The following MYO1C variants were observed in gnomAD, a reference collection of about 807,000 sequenced individuals.
MYO1C encodes the protein myosin IC, also known as unconventional myosin-Ic.
MYO1C carries 104 observed loss-of-function variants against 150.8 expected under a neutral mutation model. The ratio of observed to expected loss-of-function variants is 0.69; its 90% CI spans 0.59 to 0.81. MYO1C has a LOEUF of 0.81. Ranked by LOEUF, MYO1C falls within the 30% of genes least tolerant of loss-of-function variation. The pLI, the probability that MYO1C is intolerant of heterozygous loss-of-function variation, is 0.00. For missense variants in MYO1C, 1,504 were observed against 1,435.0 expected, an observed-to-expected ratio of 1.05 and a Z score of -0.78; for synonymous variants, 663 against 579.9, an observed-to-expected ratio of 1.14 and a Z score of -2.06.
At chr17:1,482,629 A>G (rs1261950517) in intron 4 of MYO1C, 71 bp from the exon 5 acceptor site, 1 of 777,664 alleles carries the variant, frequency 1.3e-6, no homozygotes, top group Non-Finnish European at 1.7e-6. Context: ...CCTTGTAGCT[A>G]CTGCTGCCCC....
intron 5 of MYO1C, 138 bp from the exon 6 acceptor site, chr17:1,481,023 C>T: frequency 1.2e-6 from 1 of 854,800 alleles, no homozygotes; most frequent in African/African-American, 1.7e-5. Flanking sequence ...GCTGCGTCGG[C>T]TCAGGCACGC....
At chr17:1,477,193 TTTG>T in intron 14 of MYO1C, 1 of 264,754 alleles carries the variant, frequency 3.8e-6, no homozygotes. Flanking sequence ...TTTTTTTTTT[TTTG>T]AGACGGAGTC....
chr17:1,487,087 G>A (rs2074670094), intron 1 of MYO1C: 1 of 152,400 alleles, frequency 6.6e-6, no homozygotes, highest in South Asian at 2.1e-4. Flanking sequence ...CTAACATGAG[G>A]CTAACACAGG....
At chr17:1,486,918 C>T (rs1345712704) in intron 1 of MYO1C, 3 of 152,494 alleles carry the variant, frequency 2.0e-5, no homozygotes, top group Non-Finnish European at 4.4e-5. Context: ...TCGCTTGGCT[C>T]TGCGGGCACC....
At chr17:1,466,860 C>T (rs1252179674) in intron 31 of MYO1C, among the ~76,000 whole-genome samples, 2 of 152,112 alleles carry the variant, frequency 1.3e-5, no homozygotes, top group African/African-American at 4.8e-5. Context: ...CTCCTGATCT[C>T]GGGTGATCCA....
rs1378977946 is a variant in MYO1C at position 1,474,921 on chromosome 17, A to G, written c.1669+17T>C. 1 of 1,609,260 alleles carries G rather than the reference A, an allele frequency of 6.2e-7. No individual in the cohort carries two copies. The highest frequency in any genetic ancestry group is 1.1e-5 in the South Asian group (1 of 90,518). On this transcript the variant is annotated intron_variant, in intron 15 of 31. Transcript: ENST00000648651. ...TCCCCGCAGGCCCCTGTGGGGACACAGCCCCAGGATCCTCACCGGTCACGC... is the reference window on the plus strand; with the variant it reads ...TCCCCGCAGGCCCCTGTGGGGACACGGCCCCAGGATCCTCACCGGTCACGC...
At chr17:1,474,282 G>T (rs773626127) in intron 17 of MYO1C, among the ~76,000 whole-genome samples, 34 of 152,046 alleles carry the variant, frequency 2.2e-4, no homozygotes, top group Non-Finnish European at 4.6e-4. Flanking sequence ...CAAAAAATTA[G>T]CCGGGCATGG....
intron 7 of MYO1C, among the ~76,000 whole-genome samples, chr17:1,480,276 G>A (rs1201105578): frequency 2.6e-5 from 4 of 151,180 alleles, no homozygotes; most frequent in Non-Finnish European, 5.9e-5. Flanking sequence ...GTGAAACTCC[G>A]TCTCTACTAA....
intron 1 of MYO1C, among the ~76,000 whole-genome samples, chr17:1,490,768 C>A (rs1194799772): frequency 6.6e-6 from 1 of 152,064 alleles, no homozygotes; most frequent in African/African-American, 2.4e-5. Context: ...CCCCAGTTTA[C>A]CCCACTGCTC....
rs571600970 is a variant in MYO1C at position 1,476,871 on chromosome 17, C to T, written c.1574+634G>A. ...TTTTTTTTTTGGGGTTGAAGTCTCA[C>T]TCTGTCGCTCAGGCTGGAGGGCAGT... On this transcript the variant is annotated intron_variant, in intron 14 of 31. Transcript: ENST00000648651. Among the ~76,000 whole-genome samples, 7 of 152,058 alleles carry T rather than the reference C, an allele frequency of 4.6e-5. No homozygotes were observed. In the South Asian group the frequency reaches 1.0e-3, roughly 23 times the overall value.
At position 1,471,994 on chromosome 17, in the gene MYO1C, T is replaced by G; in HGVS notation, c.1934A>C (p.Gln645Pro). 1 of 1,614,040 alleles carries G rather than the reference T, an allele frequency of 6.2e-7. No homozygotes were observed. The highest frequency in any genetic ancestry group is 8.5e-7 in the Non-Finnish European group (1 of 1,179,964). Residue 645 changes from glutamine (Q) to proline (P), a missense_variant, in exon 19 of 32, where the codon CAG becomes CCG. Coordinates refer to ENST00000648651, the MANE Select transcript of MYO1C (RefSeq NM_001080779.2). Reference protein sequence around the residue: ...GRFDEVLIRHQVKYLGLLENL... With the variant: ...GRFDEVLIRHPVKYLGLLENL... Reference sequence around the variant, plus strand: ...TTCCAACAGCCCCAGGTACTTCACCTGGTGGCGGATCAGCACCTCGTCAAA... The same window carrying G: ...TTCCAACAGCCCCAGGTACTTCACCGGGTGGCGGATCAGCACCTCGTCAAA...
At chr17:1,486,402 C>A (rs1395887231) in intron 1 of MYO1C, among the ~76,000 whole-genome samples, 1 of 152,152 alleles carries the variant, frequency 6.6e-6, no homozygotes, top group Non-Finnish European at 1.5e-5. Context: ...GGGCTCAGTT[C>A]CCCCTCTGGG....
Position 1,472,043 on chromosome 17 carries a change from C to A in MYO1C, c.1904-19G>T. ...AAGCGGCCTGGGGTAGGGGGAGCGC[C>A]GTGGTCAGCGGGCTGGCGCTGACGG... On this transcript the variant is annotated intron_variant, in intron 18 of 31. Coordinates refer to ENST00000648651, the MANE Select transcript of MYO1C (RefSeq NM_001080779.2). 6.2e-7 allele frequency: 1 copy of A among 1,613,486 alleles called. No homozygotes were observed. Among genetic ancestry groups the A allele is most frequent in the Non-Finnish European group, 8.5e-7 (1 of 1,179,702 alleles).
chr17:1,468,338 A>G, intron 26 of MYO1C, 30 bp from the exon 27 acceptor site: 1 of 1,614,004 alleles, frequency 6.2e-7, no homozygotes, highest in East Asian at 2.2e-5. Flanking sequence ...GAGGGAAGTC[A>G]GTGGAGGCAA....
At chr17:1,488,945 C>T (rs921577489) in intron 1 of MYO1C, among the ~76,000 whole-genome samples, 1 of 152,204 alleles carries the variant, frequency 6.6e-6, no homozygotes, top group Admixed American at 6.5e-5. Context: ...GGCCAGGTGC[C>T]TACAAGCCTG....
chr17:1,485,879 C>T (rs1567535881), intron 1 of MYO1C: 1 of 209,196 alleles, frequency 4.8e-6, no homozygotes, highest in Non-Finnish European at 8.3e-6. Flanking sequence ...CGCGGCCGGG[C>T]TGGGGTCCCC....
chr17:1,467,141 G>T, intron 31 of MYO1C, 101 bp downstream of exon 31: 1 of 1,108,026 alleles, frequency 9.0e-7, no homozygotes, highest in Non-Finnish European at 1.3e-6. Context: ...ATGGCCTCTG[G>T]ATGAAGGCCC....
intron 16 of MYO1C, 56 bp from the exon 17 acceptor site, chr17:1,474,746 C>G: frequency 6.2e-7 from 1 of 1,613,530 alleles, no homozygotes; most frequent in Non-Finnish European, 8.5e-7. Context: ...GGACAGGCTC[C>G]TGGACACAGG....
chr17:1,477,450 G>C (rs1382543707), intron 14 of MYO1C, 55 bp downstream of exon 14: 1 of 1,523,790 alleles, frequency 6.6e-7, no homozygotes, highest in South Asian at 1.1e-5. Flanking sequence ...CCTGCACTCC[G>C]CAGGCTCTGC....
Sources: allele counts gnomAD v4.1 joint callset (sites outside exome capture counted in the v4.1 genomes callset), GRCh38; gene constraint gnomAD v4.1.1; transcripts MANE v1.5; gene names NCBI Gene and HGNC (gene_info 2026-07-23, HGNC 2026-07-21).